Variants in PPP6R2 observed in about 807,000 individuals in gnomAD.
PPP6R2 encodes serine/threonine-protein phosphatase 6 regulatory subunit 2.
Under a neutral mutation model 100.2 loss-of-function variants are expected in PPP6R2, and 62 were observed. That is an observed-to-expected ratio of 0.62 (90% CI 0.50 to 0.76). The LOEUF is 0.76. PPP6R2 is among the 30% of genes least tolerant of loss of function. PPP6R2 has a pLI of 0.00. For missense variants in PPP6R2, 1,142 were observed against 1,276.3 expected (o/e 0.89, Z 1.60); for synonymous variants, 525 against 514.7 (o/e 1.02, Z -0.27).
At chr22:50,422,202 G>A (rs2061430579) in intron 8 of PPP6R2, 52 bp from the exon 9 acceptor site, 3 of 1,586,530 alleles carry the variant, frequency 1.9e-6, no homozygotes, top group Non-Finnish European at 1.7e-6. Flanking sequence ...TGCTGGTGAG[G>A]TTGGACAGGG....
intron 3 of PPP6R2, among the ~76,000 whole-genome samples, chr22:50,405,538 G>T (rs2058741039): frequency 7.1e-6 from 1 of 139,966 alleles, no homozygotes; most frequent in Non-Finnish European, 1.5e-5. Context: ...CTGGAGAGAG[G>T]TAAGAGGCCT....
At chr22:50,416,244 G>T in intron 6 of PPP6R2, 87 bp downstream of exon 6, 2 of 1,205,054 alleles carry the variant, frequency 1.7e-6, no homozygotes, top group South Asian at 1.3e-5. Flanking sequence ...GGGCGAGGGA[G>T]GGCAAGTCAT....
At chr22:50,349,843 C>A (rs1325048917) in intron 1 of PPP6R2, among the ~76,000 whole-genome samples, 1 of 150,192 alleles carries the variant, frequency 6.7e-6, no homozygotes, top group African/African-American at 2.5e-5. Context: ...AAAAAAGCAG[C>A]TGGGTGTGGT....
At chr22:50,429,477 T>A (rs1457019021) in intron 10 of PPP6R2, among the ~76,000 whole-genome samples, 1 of 152,256 alleles carries the variant, frequency 6.6e-6, no homozygotes, top group African/African-American at 2.4e-5. Flanking sequence ...TTTATCCTGG[T>A]ATATAATTCT....
chr22:50,339,349 T>TG (rs2042342417), upstream of PPP6R2, among the ~76,000 whole-genome samples: 1 of 144,116 alleles, frequency 6.9e-6, no homozygotes, highest in African/African-American at 2.6e-5. Context: ...GTATGTAGTG[T>TG]GTGGTATGTG....
In PPP6R2 at chr22:50,431,178, G is replaced by A. The variant is rs1367301671; in HGVS notation, c.1131G>A (p.Leu377=). The change falls in exon 11 of 24, where the codon TTG becomes TTA. Residue 377 remains leucine, a synonymous_variant. Transcript: ENST00000612753. This position sits in a 1 kb window ranked among gnomAD's most constrained non-coding sequence, Gnocchi z 4.8. ...RLNTMDLLLD[L]FFKYTWNNFL... ...TCTGTCCTCTGTTTACCCAGGACTT[G>A]TTCTTTAAGTACACCTGGAATAACT... is the stretch of plus-strand genomic sequence containing the variant. 1.2e-6 allele frequency: 2 copies of A among 1,610,274 alleles called. No individual in the cohort carries two copies. Among genetic ancestry groups the A allele is most frequent in the African/African-American group, 1.3e-5 (1 of 74,816 alleles).
At chr22:50,425,870 GT>G (rs1010928546) in intron 10 of PPP6R2, among the ~76,000 whole-genome samples, 36 of 131,672 alleles carry the variant, frequency 2.7e-4, no homozygotes, top group African/African-American at 4.9e-4. Flanking sequence ...TTTGAATTGA[GT>G]TTTTTTTTTG....
intron 4 of PPP6R2, among the ~76,000 whole-genome samples, chr22:50,414,331 G>GGCCCCCCCC (rs2060189395): frequency 3.7e-5 from 1 of 26,776 alleles, no homozygotes; most frequent in African/African-American, 8.4e-5. Context: ...CTGTGCAGTG[G>GGCCCCCCCC]CCCCCCCCCC....
In PPP6R2 at chr22:50,411,962, A is replaced by G. The variant is rs1603293105; in HGVS notation, c.415-2590A>G. On this transcript the variant is annotated intron_variant, in intron 4 of 23. Coordinates refer to ENST00000612753, the MANE Select transcript of PPP6R2 (RefSeq NM_001242898.2). ...CGGGAGCCTGAGGCAGGAGAATGGC[A>G]TGAACCCAGGAGGCGGAGCTTGCAG... 5.5e-5 allele frequency among the ~76,000 whole-genome samples: 8 copies of G among 146,240 alleles called. No homozygotes were observed. In the South Asian group the frequency reaches 1.8e-3, roughly 32 times the overall value.
At chr22:50,359,154 C>G (rs2047253996) in intron 1 of PPP6R2, among the ~76,000 whole-genome samples, 1 of 151,814 alleles carries the variant, frequency 6.6e-6, no homozygotes, top group South Asian at 2.1e-4. Context: ...CACCAGCCAC[C>G]ACGCCCAGCT....
At chr22:50,370,657 G>A (rs905166770) in intron 1 of PPP6R2, among the ~76,000 whole-genome samples, 10 of 150,144 alleles carry the variant, frequency 6.7e-5, no homozygotes, top group Non-Finnish European at 1.2e-4. Flanking sequence ...TTTTTGAGAC[G>A]GAGTCTCACT....
chr22:50,366,283 G>A (rs186303877), intron 1 of PPP6R2, among the ~76,000 whole-genome samples: 77 of 151,578 alleles, frequency 5.1e-4, no homozygotes, highest in Non-Finnish European at 8.7e-4. Context: ...TAGGCTCTGC[G>A]TGAGCTTTGA....
intron 3 of PPP6R2, among the ~76,000 whole-genome samples, chr22:50,399,108 G>T (rs766124656): frequency 6.6e-6 from 1 of 152,148 alleles, no homozygotes; most frequent in South Asian, 2.1e-4. Context: ...TTAGCCAGGC[G>T]TGGTGGCCGG....
At chr22:50,411,247 A>G (rs2059697468) in intron 4 of PPP6R2, among the ~76,000 whole-genome samples, 1 of 152,168 alleles carries the variant, frequency 6.6e-6, no homozygotes, top group Non-Finnish European at 1.5e-5. Context: ...TGAGCCCATG[A>G]GTTTGAGAGC....
intron 6 of PPP6R2, 120 bp from the exon 7 acceptor site, chr22:50,418,747 C>T (rs2060897662): frequency 1.3e-6 from 1 of 757,048 alleles, no homozygotes; most frequent in Non-Finnish European, 2.3e-6. Context: ...TATTGAACAA[C>T]AACGAAAGTC....
intron 2 of PPP6R2, among the ~76,000 whole-genome samples, chr22:50,381,905 C>T (rs949415280): frequency 6.9e-5 from 9 of 130,742 alleles, no homozygotes; most frequent in African/African-American, 2.6e-4. Flanking sequence ...GAGACTCCGT[C>T]TCAAAAAAAA....
the PPP6R2 span, among the ~76,000 whole-genome samples, chr22:50,337,771 GGTGT>G: frequency 7.0e-6 from 1 of 142,062 alleles, no homozygotes; most frequent in South Asian, 2.3e-4. Flanking sequence ...CGATGTGTAT[GGTGT>G]GTGTGTGGGT....
At chr22:50,364,515 T>C (rs1421889869) in intron 1 of PPP6R2, among the ~76,000 whole-genome samples, 1 of 152,138 alleles carries the variant, frequency 6.6e-6, no homozygotes, top group Non-Finnish European at 1.5e-5. Flanking sequence ...TTCTCTAGAC[T>C]TCAATATATT....
chr22:50,410,957 A>G (rs2059669329), intron 4 of PPP6R2, among the ~76,000 whole-genome samples: 2 of 151,880 alleles, frequency 1.3e-5, no homozygotes, highest in African/African-American at 4.8e-5. Flanking sequence ...ATGACCCGCT[A>G]ATTTTTGTAT....
Sources: gnomAD v4.1 joint callset for allele counts (sites outside exome capture counted in the v4.1 genomes callset) on GRCh38, gnomAD v4.1.1 for gene constraint, Gnocchi (gnomAD v3.1) non-coding constraint, MANE v1.5 for transcripts, NCBI Gene and HGNC (gene_info 2026-07-23, HGNC 2026-07-21) for gene names.